Variants in ARNT2 observed in about 807,000 individuals in gnomAD.
The protein encoded by ARNT2 is aryl hydrocarbon receptor nuclear translocator 2, also known as ARNT protein 2.
In ARNT2, 36 loss-of-function variants were observed where a neutral mutation model predicts 91.7. The ratio of observed to expected loss-of-function variants is 0.39; its 90% CI spans 0.30 to 0.52. ARNT2 has a LOEUF of 0.52. ARNT2 is among the 20% of genes least tolerant of loss of function. The probability of loss-of-function intolerance (pLI) is 0.72; values close to 1 mark genes in which losing one functional copy is unlikely to be tolerated. For missense variants in ARNT2, 775 were observed against 939.3 expected (o/e 0.83, Z 2.29); for synonymous variants, 365 against 347.1 (o/e 1.05, Z -0.57).
At chr15:80,450,709 A>G (rs142348961) in intron 1 of ARNT2, among the ~76,000 whole-genome samples, 171 bp from the exon 2 acceptor site, 2 of 152,348 alleles carry the variant, frequency 1.3e-5, no homozygotes, top group East Asian at 3.9e-4. Flanking sequence ...TTTCCAGAGA[A>G]AGAGGAAAGA....
In ARNT2 at chr15:80,594,112, A is replaced by C. The variant is rs1483878544; in HGVS notation, c.*414A>C. 2.4e-5 allele frequency: 4 copies of C among 168,848 alleles called. No individual in the cohort carries two copies. The highest frequency in any genetic ancestry group is 7.1e-5 in the African/African-American group (3 of 41,978). The allele number at this position is 168,848 out of a possible 1,614,324, so 10.5% of individuals were successfully genotyped here. Reference sequence around the variant, plus strand: ...AGATTTCTTCTTGATTTCACTTCTGATGGATGCATGGGGCTCTGGGGGAAT... The same window carrying C: ...AGATTTCTTCTTGATTTCACTTCTGCTGGATGCATGGGGCTCTGGGGGAAT... On this transcript the variant is annotated 3_prime_UTR_variant, in exon 19 of 19. Coordinates refer to ENST00000303329, the MANE Select transcript of ARNT2 (RefSeq NM_014862.4).
At chr15:80,453,332 T>C (rs1365358552) in intron 2 of ARNT2, among the ~76,000 whole-genome samples, 1 of 152,054 alleles carries the variant, frequency 6.6e-6, no homozygotes, top group Non-Finnish European at 1.5e-5. Context: ...CTCTCTAGGG[T>C]GCTTGTCCTC....
At chr15:80,416,653 T>G (rs1407658322) in intron 1 of ARNT2, among the ~76,000 whole-genome samples, 1 of 152,240 alleles carries the variant, frequency 6.6e-6, no homozygotes, top group African/African-American at 2.4e-5. Flanking sequence ...TTTTTTTCTT[T>G]CATTACCTTA....
At chr15:80,536,709 A>G (rs1352870343) in intron 8 of ARNT2, among the ~76,000 whole-genome samples, 1 of 152,188 alleles carries the variant, frequency 6.6e-6, no homozygotes, top group African/African-American at 2.4e-5. Context: ...CTGTATCAGC[A>G]TCATGGGTAA....
At chr15:80,585,250 T>C (rs1898874430) in intron 17 of ARNT2, among the ~76,000 whole-genome samples, 3 of 152,138 alleles carry the variant, frequency 2.0e-5, no homozygotes, top group Admixed American at 6.5e-5. Flanking sequence ...TAGCATCCAC[T>C]AGGAAACTAC....
Position 80,563,138 on chromosome 15 carries a change from C to A in ARNT2, c.1215C>A (p.Thr405=), listed in dbSNP as rs767137998. ...TGTCGGTCATGTATCGATTTCGCACCAAGAACCGGGAGTGGATGTTGATCC... is the reference window on the plus strand; with the variant it reads ...TGTCGGTCATGTATCGATTTCGCACAAAGAACCGGGAGTGGATGTTGATCC... The part of the protein sequence containing the change: ...QVLSVMYRFR[T]KNREWMLIRT... The change falls in exon 12 of 19, where the codon ACC becomes ACA. Residue 405 remains threonine, a synonymous_variant. Transcript: ENST00000303329. 18 of 1,614,166 alleles carry A rather than the reference C, an allele frequency of 1.1e-5. No homozygotes were observed. Among genetic ancestry groups the A allele is most frequent in the Non-Finnish European group, 1.5e-5 (18 of 1,180,032 alleles).
At chr15:80,425,980 G>A (rs78074122) in intron 1 of ARNT2, among the ~76,000 whole-genome samples, 3,163 of 152,154 alleles carry the variant, frequency 0.021, 112 homozygotes, top group African/African-American at 0.072. Context: ...AGGATCGCTT[G>A]AGCTCAGGAG....
chr15:80,563,584 T>TTGCA (rs1898412162), intron 12 of ARNT2, among the ~76,000 whole-genome samples: 1 of 152,232 alleles, frequency 6.6e-6, no homozygotes, highest in Admixed American at 6.5e-5. Context: ...TTGCTCCCTG[T>TTGCA]TGCAGCAGCT....
intron 11 of ARNT2, among the ~76,000 whole-genome samples, chr15:80,558,399 G>T (rs1010938970): frequency 1.3e-5 from 2 of 149,106 alleles, no homozygotes; most frequent in African/African-American, 5.0e-5. Flanking sequence ...TGCAGTAGTG[G>T]CACAATCTCG....
chr15:80,429,857 C>G (rs962579803), intron 1 of ARNT2, among the ~76,000 whole-genome samples: 12 of 152,188 alleles, frequency 7.9e-5, no homozygotes, highest in African/African-American at 2.7e-4. Context: ...CCCAACTAAG[C>G]TCTGTACCAC....
chr15:80,526,236 G>C, intron 8 of ARNT2, among the ~76,000 whole-genome samples: 1 of 152,290 alleles, frequency 6.6e-6, no homozygotes, highest in East Asian at 1.9e-4. Flanking sequence ...GAAAGAAAAG[G>C]AAGAGTTCTA....
At chr15:80,478,477 C>G (rs1403093496) in intron 5 of ARNT2, among the ~76,000 whole-genome samples, 4 of 152,204 alleles carry the variant, frequency 2.6e-5, no homozygotes, top group African/African-American at 7.2e-5. Flanking sequence ...CAGCCAGAAC[C>G]AGTACAGTGG....
intron 11 of ARNT2, among the ~76,000 whole-genome samples, chr15:80,560,414 T>C (rs1252508856): frequency 6.6e-6 from 1 of 152,160 alleles, no homozygotes; most frequent in East Asian, 1.9e-4. Context: ...AGCTAACATG[T>C]CTAAGGTGCT....
intron 17 of ARNT2, among the ~76,000 whole-genome samples, chr15:80,581,763 G>C (rs1269984244): frequency 6.6e-6 from 1 of 152,172 alleles, no homozygotes; most frequent in South Asian, 2.1e-4. Flanking sequence ...TAGCTATAGA[G>C]ACAATCAATT....
At chr15:80,465,368 A>T (rs1896639017) in intron 3 of ARNT2, among the ~76,000 whole-genome samples, 1 of 152,020 alleles carries the variant, frequency 6.6e-6, no homozygotes, top group African/African-American at 2.4e-5. Context: ...GAGAAGCTTT[A>T]TGTTTATTTT....
At chr15:80,501,258 C>T (rs953176181) in intron 5 of ARNT2, among the ~76,000 whole-genome samples, 1 of 141,526 alleles carries the variant, frequency 7.1e-6, no homozygotes, top group African/African-American at 2.5e-5. Flanking sequence ...ATTACCTACT[C>T]AAAATAATAT....
intron 8 of ARNT2, among the ~76,000 whole-genome samples, chr15:80,524,114 G>C (rs1566992993): frequency 2.0e-5 from 3 of 152,048 alleles, no homozygotes; most frequent in Non-Finnish European, 4.4e-5. Context: ...CAATGAACAG[G>C]GTGCTAAAAA....
intron 8 of ARNT2, among the ~76,000 whole-genome samples, chr15:80,525,865 A>G (rs866482703): frequency 3.3e-5 from 5 of 152,298 alleles, no homozygotes; most frequent in African/African-American, 9.6e-5. Flanking sequence ...TCATGAGTTC[A>G]AGTTCCCTAA....
intron 1 of ARNT2, among the ~76,000 whole-genome samples, chr15:80,416,951 C>A (rs1453458762): frequency 6.6e-6 from 1 of 152,056 alleles, no homozygotes; most frequent in Admixed American, 6.5e-5. Flanking sequence ...GTCCTATACA[C>A]CATTTGCGAG....
Sources: allele counts gnomAD v4.1 joint callset (sites outside exome capture counted in the v4.1 genomes callset), GRCh38; gene constraint gnomAD v4.1.1; transcripts MANE v1.5; gene names NCBI Gene and HGNC (gene_info 2026-07-23, HGNC 2026-07-21).